RUNX3: variants seen among roughly 807,000 people sequenced by gnomAD.
RUNX3 encodes the protein RUNX family transcription factor 3, also known as runt-related transcription factor 3.
In RUNX3, 10 loss-of-function variants were observed where a neutral mutation model predicts 27.7. The ratio of observed to expected loss-of-function variants is 0.36; its 90% confidence interval spans 0.22 to 0.61. RUNX3 has a LOEUF of 0.61. RUNX3 is among the 20% of genes least tolerant of loss of function. The probability of loss-of-function intolerance (pLI) is 0.72; values close to 1 mark genes in which losing one functional copy is unlikely to be tolerated. For missense variants in RUNX3, 469 were observed against 629.5 expected (o/e 0.75, Z 2.73); for synonymous variants, 270 against 269.2 (o/e 1.00, Z -0.03).
chr1:24,958,107 G>A (rs1450658401), intron 2 of RUNX3, among the ~76,000 whole-genome samples: 6 of 152,170 alleles, frequency 3.9e-5, no homozygotes, highest in African/African-American at 7.2e-5. Flanking sequence ...GGCCCGAGCC[G>A]ATCAGGAGGC....
chr1:24,908,784 C>T (rs973381206), intron 3 of RUNX3, among the ~76,000 whole-genome samples: 6 of 152,254 alleles, frequency 3.9e-5, no homozygotes, highest in African/African-American at 1.4e-4. Flanking sequence ...CTGCCTTGCA[C>T]ACTGTCTCCC....
rs1461801383 is a variant in RUNX3, at chr1:24,929,706, T to A, written c.163A>T (p.Met55Leu). Residue 55 changes from methionine to leucine, a missense_variant, in exon 1 of 5, where the codon ATG (methionine) becomes TTG (leucine). Physicochemically the swap from Met to Leu is conservative, Grantham distance 15 (BLOSUM62 2). Coordinates refer to ENST00000308873, the MANE Select transcript of RUNX3 (RefSeq NM_004350.3). ...GGRARPEVRS[M>L]VDVLADHAGE... ...GCGTGGTCCGCCAGCACGTCCACCA[T>A]CGAGCGCACCTCGGGCCGGGCGCGC... 1 of 1,554,848 alleles carries A rather than the reference T, an allele frequency of 6.4e-7. No homozygotes were observed. The highest frequency in any genetic ancestry group is 8.6e-7 in the Non-Finnish European group (1 of 1,159,940).
intron 2 of RUNX3, among the ~76,000 whole-genome samples, chr1:24,950,485 A>C (rs762069687): frequency 6.6e-6 from 1 of 152,182 alleles, no homozygotes; most frequent in African/African-American, 2.4e-5. Context: ...TTTACAACAC[A>C]CTAATTCAGA....
chr1:24,947,808 G>A (rs1453979046), intron 2 of RUNX3, among the ~76,000 whole-genome samples: 2 of 152,204 alleles, frequency 1.3e-5, no homozygotes, highest in African/African-American at 4.8e-5. Context: ...GAGCTGGCAG[G>A]GCCTGAGTGG....
chr1:24,964,777 AGT>A, intron 1 of RUNX3: 1 of 1,274,218 alleles, frequency 7.8e-7, no homozygotes, highest in Non-Finnish European at 1.0e-6. Flanking sequence ...AGAACGCGAG[AGT>A]GTGTGTGAGT....
intron 2 of RUNX3, among the ~76,000 whole-genome samples, chr1:24,938,549 C>A (rs1001814935): frequency 2.0e-5 from 3 of 152,130 alleles, no homozygotes; most frequent in Non-Finnish European, 4.4e-5. Context: ...CTGTCAGGCA[C>A]CCTCAGTGTC....
intron 2 of RUNX3, among the ~76,000 whole-genome samples, chr1:24,944,933 T>G (rs1641567572): frequency 6.6e-6 from 1 of 152,102 alleles, no homozygotes; most frequent in African/African-American, 2.4e-5. Flanking sequence ...GCACTAAAAG[T>G]GGGTTAATTT....
In RUNX3 at chr1:24,902,027, G is replaced by T; in HGVS notation, c.*95C>A. 1.7e-6 allele frequency: 2 copies of T among 1,210,430 alleles called. No individual in the cohort carries two copies. Among genetic ancestry groups the T allele is most frequent in the Non-Finnish European group, 2.2e-6 (2 of 891,980 alleles). The allele number at this position is 1,210,430 out of a possible 1,614,324, so 75.0% of individuals were successfully genotyped here. ...GGACCGAGACCACCCTGGAGCGCAG[G>T]TCCCATTCCCGCCCGGAGCCTCGGA... is the stretch of plus-strand genomic sequence containing the variant. On this transcript the variant is annotated 3_prime_UTR_variant, in exon 5 of 5. Transcript: ENST00000308873. This position sits in a 1 kb window ranked among gnomAD's most constrained non-coding sequence, Gnocchi z 9.2.
intron 2 of RUNX3, among the ~76,000 whole-genome samples, chr1:24,925,074 A>G (rs1371405925): frequency 6.6e-6 from 1 of 152,232 alleles, no homozygotes; most frequent in Admixed American, 6.5e-5. Flanking sequence ...GCAGAAGTCA[A>G]GAGACCCAGG....
rs1642127219 is a variant in RUNX3, at chr1:24,962,021, G to A, written c.58+2493C>T. 2.0e-5 allele frequency: 3 copies of A among 152,280 alleles called. No homozygotes were observed. Among genetic ancestry groups the A allele is most frequent in the South Asian group, 2.1e-4 (1 of 4,816 alleles). The allele number at this position is 152,280 out of a possible 1,614,324, so 9.4% of individuals were successfully genotyped here. ...CTGTGACACTGGGCTGGAGATAACCGTGTCTTTCCTTTCCCTGGCCTCTAG... is the reference window on the plus strand; with the variant it reads ...CTGTGACACTGGGCTGGAGATAACCATGTCTTTCCTTTCCCTGGCCTCTAG... On this transcript the variant is annotated intron_variant, in intron 2 of 6. Transcript: ENST00000338888. The surrounding 1 kb of genome is among the most constrained non-coding windows in gnomAD (Gnocchi z 4.5).
intron 2 of RUNX3, among the ~76,000 whole-genome samples, chr1:24,935,395 C>T (rs979325759): frequency 2.6e-5 from 4 of 152,206 alleles, no homozygotes; most frequent in Admixed American, 6.5e-5. Context: ...ACCTCCTCTC[C>T]ACCTCCCGCG....
intron 3 of RUNX3, among the ~76,000 whole-genome samples, chr1:24,918,275 C>T (rs1051949265): frequency 1.3e-5 from 2 of 152,184 alleles, no homozygotes; most frequent in African/African-American, 2.4e-5. Context: ...AGCCTAGAAT[C>T]TTGCCTCTGG....
At chr1:24,947,648 A>G (rs1641644467) in intron 2 of RUNX3, among the ~76,000 whole-genome samples, 1 of 152,190 alleles carries the variant, frequency 6.6e-6, no homozygotes, top group African/African-American at 2.4e-5. Flanking sequence ...CCCCACAGGA[A>G]GAAGAGGACA....
chr1:24,909,452 C>T (rs1640755840), intron 3 of RUNX3, among the ~76,000 whole-genome samples: 1 of 152,174 alleles, frequency 6.6e-6, no homozygotes, highest in African/African-American at 2.4e-5. Flanking sequence ...CTTAGTAGCA[C>T]ACCTTGGAGC....
intron 3 of RUNX3, among the ~76,000 whole-genome samples, chr1:24,914,822 C>T (rs1640857685): frequency 1.3e-5 from 2 of 152,244 alleles, no homozygotes; most frequent in South Asian, 4.1e-4. Context: ...GGTCACTTCT[C>T]CTGCCCACGC....
chr1:24,901,700 C>G lies in RUNX3; in HGVS notation c.*422G>C, dbSNP rs375690584. Reference sequence around the variant, plus strand: ...GGGGCTCCAACGAAGGTGCAGGGGTCGGGAGGTTTCCCAGGGCCTGAGGCT... The same window carrying G: ...GGGGCTCCAACGAAGGTGCAGGGGTGGGGAGGTTTCCCAGGGCCTGAGGCT... On this transcript the variant is annotated 3_prime_UTR_variant, in exon 5 of 5. Transcript: ENST00000308873. 2 of 173,492 alleles carry G rather than the reference C, an allele frequency of 1.2e-5. No individual in the cohort carries two copies. Among genetic ancestry groups the G allele is most frequent in the Admixed American group, 1.2e-4 (2 of 17,250 alleles). 10.7% of individuals were successfully genotyped at this position (173,492 alleles called of 1,614,324 possible). A position where few individuals can be genotyped will look rare whatever the true frequency, so the allele number is the denominator to read the frequency against.
At chr1:24,926,254 G>T (rs879631111) in intron 2 of RUNX3, among the ~76,000 whole-genome samples, 1 of 152,208 alleles carries the variant, frequency 6.6e-6, no homozygotes, top group Non-Finnish European at 1.5e-5. Context: ...AAGTCGCAAA[G>T]GGTTTGAGAG....
At position 24,962,405 on chromosome 1, in the gene RUNX3, G is replaced by T. The variant is rs1384272766; in HGVS notation, c.58+2109C>A. On this transcript the variant is annotated intron_variant, in intron 2 of 6. Transcript: ENST00000338888. The surrounding 1 kb of genome is among the most constrained non-coding windows in gnomAD (Gnocchi z 4.5). ...GACTGCCAAGGGTCGGTGGGTTAGG[G>T]ACCCTGTAGGGGGCAGCGTGGGGTT... 6.6e-6 allele frequency among the ~76,000 whole-genome samples: 1 copy of T among 152,194 alleles called. No individual in the cohort carries two copies. The highest frequency in any genetic ancestry group is 1.5e-5 in the Non-Finnish European group (1 of 68,024).
Position 24,930,162 on chromosome 1 carries a change from G to GGCGGGGCCCGC in RUNX3, c.-305_-295dup. Reference sequence around the variant, plus strand: ...TGGCTGTCCCGGCTGCCTGGGCCGCGGCGGGGCCCGCGCGGGGCTGTGCCG... The same window carrying GGCGGGGCCCGC: ...TGGCTGTCCCGGCTGCCTGGGCCGCGGCGGGGCCCGCGCGGGGCCCGCGCGGGGCTGTGCCG... On this transcript the variant is annotated 5_prime_UTR_variant, in exon 1 of 5. Coordinates refer to ENST00000308873, the MANE Select transcript of RUNX3 (RefSeq NM_004350.3). The surrounding 1 kb of genome is among the most constrained non-coding windows in gnomAD (Gnocchi z 4.1). 2.0e-6 allele frequency: 2 copies of GGCGGGGCCCGC among 979,248 alleles called. No individual in the cohort carries two copies. The highest frequency in any genetic ancestry group is 2.4e-6 in the Non-Finnish European group (2 of 827,426). 60.7% of individuals were successfully genotyped at this position (979,248 alleles called of 1,614,324 possible). A position where few individuals can be genotyped will look rare whatever the true frequency, so the allele number is the denominator to read the frequency against.
Sources: allele counts gnomAD v4.1 joint callset (sites outside exome capture counted in the v4.1 genomes callset), GRCh38; gene constraint gnomAD v4.1.1; non-coding constraint Gnocchi (gnomAD v3.1); transcripts MANE v1.5; gene names NCBI Gene and HGNC (gene_info 2026-07-23, HGNC 2026-07-21).